Variants in NPS observed in about 807,000 individuals in gnomAD.
The protein encoded by NPS is prepro-neuropeptide S.
A neutral mutation model predicts 7.2 loss-of-function variants in NPS; 6 were observed. The ratio of observed to expected loss-of-function variants is 0.83; its 90% CI spans 0.46 to 1.64. The LOEUF is 1.64. NPS is among the 40% of genes most tolerant of loss of function. NPS has a pLI of 0.01. For synonymous variants in NPS, 42 were observed against 36.7 expected (o/e 1.14, Z -0.52); for missense variants, 123 against 97.8 (o/e 1.26, Z -1.09).
intron 2 of NPS, 64 bp downstream of exon 2, chr10:127,549,634 C>T: frequency 1.0e-6 from 1 of 965,210 alleles, no homozygotes; most frequent in East Asian, 2.4e-5. Context: ...TATGTAAATT[C>T]CAAATACTTT....
At chr10:127,551,372 T>C (rs527628587) in intron 2 of NPS, among the ~76,000 whole-genome samples, 39 of 152,212 alleles carry the variant, frequency 2.6e-4, no homozygotes, top group African/African-American at 9.1e-4. Context: ...CTTTATGCAC[T>C]CTGGCCCCGT....
At position 127,552,876 on chromosome 10, in the gene NPS, A is replaced by G. The variant is rs1052016132; in HGVS notation, c.*237A>G. 9.2e-5 allele frequency among the ~76,000 whole-genome samples: 14 copies of G among 152,200 alleles called. No individual in the cohort carries two copies. Among genetic ancestry groups the G allele is most frequent in the African/African-American group, 3.4e-4 (14 of 41,446 alleles). On this transcript the variant is annotated 3_prime_UTR_variant, in exon 3 of 3. Coordinates refer to ENST00000398023, the MANE Select transcript of NPS (RefSeq NM_001030013.2). ...AAACAATTTATGTGGTCCATTAGTA[A>G]CTTTTTCCTGAATGGGATGGACACT...
intron 2 of NPS, among the ~76,000 whole-genome samples, chr10:127,550,485 C>T (rs992591316): frequency 6.6e-6 from 1 of 152,140 alleles, no homozygotes; most frequent in African/African-American, 2.4e-5. Context: ...CCACATTGAT[C>T]AAGCTGATGA....
At chr10:127,551,929 A>T (rs1931709) in intron 2 of NPS, among the ~76,000 whole-genome samples, 1 of 152,110 alleles carries the variant, frequency 6.6e-6, no homozygotes, top group African/African-American at 2.4e-5. Context: ...ACCACTAAGC[A>T]CCCTACACTC....
rs765830607 is a variant in NPS, at chr10:127,552,524, G to A, written c.155G>A (p.Ser52Asn). 7 of 1,612,468 alleles carry A rather than the reference G, an allele frequency of 4.3e-6. No individual in the cohort carries two copies. The highest frequency in any genetic ancestry group is 2.2e-5 in the East Asian group (1 of 44,854). ...LNSCPTRLDR[S>N]KELAFLKPIL... is the part of the protein sequence containing the mutation. ...AGCTGCCCAACCAGATTGGACAGGAGCAAAGAACTAGCTTTTCTAAAGCCA... is the reference window on the plus strand; with the variant it reads ...AGCTGCCCAACCAGATTGGACAGGAACAAAGAACTAGCTTTTCTAAAGCCA... The change falls in exon 3 of 3, where the codon AGC becomes AAC. Residue 52 changes from serine to asparagine, a missense_variant. Physicochemically the swap from Ser to Asn is conservative, Grantham distance 46 (BLOSUM62 1). Transcript: ENST00000398023.
intron 2 of NPS, among the ~76,000 whole-genome samples, chr10:127,551,492 C>G (rs1844858707): frequency 1.3e-5 from 2 of 152,114 alleles, no homozygotes; most frequent in Admixed American, 6.5e-5. Context: ...AATAAAAGCA[C>G]TCAGTTTCCT....
chr10:127,550,000 C>A (rs1044061343), intron 2 of NPS, among the ~76,000 whole-genome samples: 2 of 152,070 alleles, frequency 1.3e-5, no homozygotes, highest in African/African-American at 2.4e-5. Flanking sequence ...AATAAAATAT[C>A]ACATAAAATA....
rs909188459 is a variant in NPS at position 127,553,097 on chromosome 10, G to A, written c.*458G>A. Among the ~76,000 whole-genome samples, 6 of 151,954 alleles carry A rather than the reference G, an allele frequency of 3.9e-5. No individual in the cohort carries two copies. Among genetic ancestry groups the A allele is most frequent in the Non-Finnish European group, 5.9e-5 (4 of 68,022 alleles). On this transcript the variant is annotated 3_prime_UTR_variant, in exon 3 of 3. Transcript: ENST00000398023. ...GGGATGTGCTATTTCTGTTTCTAAG[G>A]GGCTTGTGAAGTTAACCAAAATTAA...
chr10:127,553,441 CTT>C lies in NPS; in HGVS notation c.*804_*805del, dbSNP rs1245782301. On this transcript the variant is annotated 3_prime_UTR_variant, in exon 3 of 3. Transcript: ENST00000398023. ...ATCCTTCCAGGAAAGACTGCCCACT[CTT>C]TGCACTGAAACTCCTGACACTCCTT... Among the ~76,000 whole-genome samples, 1 of 152,166 alleles carries C rather than the reference CTT, an allele frequency of 6.6e-6. No homozygotes were observed. The highest frequency in any genetic ancestry group is 1.5e-5 in the Non-Finnish European group (1 of 68,030).
At chr10:127,551,718 A>G (rs1314818579) in intron 2 of NPS, among the ~76,000 whole-genome samples, 2 of 152,338 alleles carry the variant, frequency 1.3e-5, no homozygotes, top group East Asian at 3.9e-4. Context: ...CTCTGAAACC[A>G]TGCAAGAGGG....
chr10:127,549,581 G>T lies in NPS; in HGVS notation c.90+11G>T. On this transcript the variant is annotated intron_variant, in intron 2 of 2. Coordinates refer to ENST00000398023, the MANE Select transcript of NPS (RefSeq NM_001030013.2). The stretch of plus-strand genomic sequence containing the variant: ...GTTCCATCTTCTAAGGTAAGGATTT[G>T]CCTCCGTTGTGGATATTTAAATAGA... The T allele has an allele frequency of 6.6e-7, 1 of 1,513,046 alleles. No homozygotes were observed. The highest frequency in any genetic ancestry group is 1.7e-4 in the Middle Eastern group (1 of 5,868). The allele number at this position is 1,513,046 out of a possible 1,614,324, so 93.7% of individuals were successfully genotyped here.
At position 127,553,539 on chromosome 10, in the gene NPS, C is replaced by T. The variant is rs752502389; in HGVS notation, c.*900C>T. On this transcript the variant is annotated 3_prime_UTR_variant, in exon 3 of 3. Transcript: ENST00000398023. ...CATAATGTTAATAAATCTGTTCACG[C>T]ATATTGGATTCTGCAGCACACTAAG... Among the ~76,000 whole-genome samples the T allele has an allele frequency of 1.3e-5, 2 of 152,088 alleles. No homozygotes were observed. The highest frequency in any genetic ancestry group is 2.9e-5 in the Non-Finnish European group (2 of 68,020).
At chr10:127,550,751 G>A (rs920486225) in intron 2 of NPS, among the ~76,000 whole-genome samples, 8 of 152,092 alleles carry the variant, frequency 5.3e-5, no homozygotes, top group Non-Finnish European at 1.2e-4. Context: ...TTATTACCTA[G>A]TTCCGTAGTA....
Position 127,549,633 on chromosome 10 carries a change from T to A in NPS, c.90+63T>A, listed in dbSNP as rs1271610659. 13 of 967,452 alleles carry A rather than the reference T, an allele frequency of 1.3e-5. No individual in the cohort carries two copies. The Admixed American group carries it at 1.6e-4, about 12-fold the overall frequency. The allele number at this position is 967,452 out of a possible 1,614,324, so 59.9% of individuals were successfully genotyped here. A position where few individuals can be genotyped will look rare whatever the true frequency, so the allele number is the denominator to read the frequency against. On this transcript the variant is annotated intron_variant, in intron 2 of 2. Coordinates refer to ENST00000398023, the MANE Select transcript of NPS (RefSeq NM_001030013.2). The stretch of plus-strand genomic sequence containing the variant: ...GACTAGAATGGTAAATTATGTAAAT[T>A]CCAAATACTTTCAAGGAATATGTGA...
chr10:127,551,361 G>A (rs80012072), intron 2 of NPS, among the ~76,000 whole-genome samples: 3,855 of 152,000 alleles, frequency 0.025, 161 homozygotes, highest in African/African-American at 0.087. Flanking sequence ...TACAGGGAAC[G>A]CTTTATGCAC....
At position 127,550,262 on chromosome 10, in the gene NPS, A is replaced by G. The variant is rs1370441033; in HGVS notation, c.90+692A>G. ...ATAATGACTGAAATCAATGTGATTT[A>G]TGAAACTACTTTTAGGATAAAGGGA... On this transcript the variant is annotated intron_variant, in intron 2 of 2. Coordinates refer to ENST00000398023, the MANE Select transcript of NPS (RefSeq NM_001030013.2). 2.6e-5 allele frequency among the ~76,000 whole-genome samples: 4 copies of G among 152,220 alleles called. No individual in the cohort carries two copies. The East Asian group carries it at 7.7e-4, about 29-fold the overall frequency.
At chr10:127,549,460 C>A in intron 1 of NPS, 29 bp from the exon 2 acceptor site, 1 of 1,591,424 alleles carries the variant, frequency 6.3e-7, no homozygotes, top group Non-Finnish European at 8.6e-7. Context: ...GAGACTAAAT[C>A]TTGATTGTAC....
intron 2 of NPS, among the ~76,000 whole-genome samples, chr10:127,552,093 T>A (rs1010750108): frequency 6.6e-6 from 1 of 152,230 alleles, no homozygotes; most frequent in Non-Finnish European, 1.5e-5. Flanking sequence ...GATTGACACC[T>A]AGAGTCTGAT....
intron 2 of NPS, 21 bp downstream of exon 2, chr10:127,549,591 T>C: frequency 1.4e-6 from 2 of 1,383,568 alleles, no homozygotes; most frequent in Non-Finnish European, 2.1e-6. Context: ...GCCTCCGTTG[T>C]GGATATTTAA....
Sources: allele counts gnomAD v4.1 joint callset (sites outside exome capture counted in the v4.1 genomes callset), GRCh38; gene constraint gnomAD v4.1.1; transcripts MANE v1.5; gene names NCBI Gene and HGNC (gene_info 2026-07-23, HGNC 2026-07-21).